The following C1orf116 variants were observed in gnomAD, a reference collection of about 807,000 sequenced individuals.
C1orf116 encodes the protein specifically androgen-regulated gene protein.
Under a neutral mutation model 14.1 loss-of-function variants are expected in C1orf116, and 12 were observed. That is an observed-to-expected ratio of 0.85 (90% CI 0.54 to 1.38). C1orf116 has a LOEUF of 1.38. Among genes scored for constraint, C1orf116 ranks in the 40% most tolerant of loss-of-function variants. The probability of loss-of-function intolerance (pLI) is 0.00; values close to 1 mark genes in which losing one functional copy is unlikely to be tolerated. For missense variants in C1orf116, 797 were observed against 747.0 expected (o/e 1.07, Z -0.78); for synonymous variants, 296 against 299.0 (o/e 0.99, Z 0.10).
chr1:207,021,867 G>T lies in C1orf116; in HGVS notation c.*91C>A. The T allele has an allele frequency of 7.7e-7, 1 of 1,301,360 alleles. No homozygotes were observed. The allele number at this position is 1,301,360 out of a possible 1,614,324, so 80.6% of individuals were successfully genotyped here. On this transcript the variant is annotated 3_prime_UTR_variant, in exon 4 of 4. Coordinates refer to ENST00000359470, the MANE Select transcript of C1orf116 (RefSeq NM_023938.6). ...CAAATCTCTCCCTCCCATTCATCTT[G>T]AGCCCTGAGTTGCGTGGTGGCAAAG...
intron 2 of C1orf116, among the ~76,000 whole-genome samples, chr1:207,026,236 C>T (rs997346838): frequency 4.6e-5 from 7 of 152,182 alleles, no homozygotes; most frequent in Non-Finnish European, 7.3e-5. Context: ...AACTTCCTTT[C>T]GCATGTGGGC....
In C1orf116 at chr1:207,020,842, T is replaced by G. The variant is rs891974122; in HGVS notation, c.*1116A>C. On this transcript the variant is annotated 3_prime_UTR_variant, in exon 4 of 4. Coordinates refer to ENST00000359470, the MANE Select transcript of C1orf116 (RefSeq NM_023938.6). ...CACTGGCTAAGGAGAGGTGGCAGCA[T>G]GCAACAAGGGTAAGAACCTCAGCTC... The G allele has an allele frequency of 2.0e-5, 3 of 152,058 alleles. No homozygotes were observed. The allele number at this position is 152,058 out of a possible 1,614,324, so 9.4% of individuals were successfully genotyped here. A position where few individuals can be genotyped will look rare whatever the true frequency, so the allele number is the denominator to read the frequency against.
Position 207,027,573 on chromosome 1 carries a change from G to A in C1orf116, c.26C>T (p.Ala9Val), listed in dbSNP as rs529972966. 31 of 1,613,010 alleles carry A rather than the reference G, an allele frequency of 1.9e-5. No individual in the cohort carries two copies. The highest frequency in any genetic ancestry group is 2.4e-5 in the Non-Finnish European group (28 of 1,180,040). MPERELWPAGTGSEPVTRV... is the reference protein window; with the variant it reads MPERELWPVGTGSEPVTRV... ...GGTCACGGGTTCTGAGCCAGTCCCC[G>A]CTGGCCACAGCTCCCTCTCGGGCAT... Residue 9 changes from alanine to valine, a missense_variant, in exon 2 of 4, where the codon GCG (alanine) becomes GTG (valine). Transcript: ENST00000359470.
intron 1 of C1orf116, among the ~76,000 whole-genome samples, chr1:207,029,618 C>G (rs1172713594): frequency 6.6e-6 from 1 of 152,152 alleles, no homozygotes; most frequent in East Asian, 1.9e-4. Context: ...TTAGGTTGAG[C>G]TTTTGGAAGG....
intron 2 of C1orf116, among the ~76,000 whole-genome samples, chr1:207,027,122 A>G (rs116992638): frequency 0.012 from 1,797 of 152,310 alleles, 29 homozygotes; most frequent in East Asian, 0.077. Flanking sequence ...GATCTTTGTA[A>G]GAGACTAAAG....
At position 207,020,082 on chromosome 1, in the gene C1orf116, C is replaced by A. The variant is rs1368511934; in HGVS notation, c.*1876G>T. 1 of 152,166 alleles carries A rather than the reference C, an allele frequency of 6.6e-6. No individual in the cohort carries two copies. Among genetic ancestry groups the A allele is most frequent in the African/African-American group, 2.4e-5 (1 of 41,424 alleles). 9.4% of individuals were successfully genotyped at this position (152,166 alleles called of 1,614,324 possible). A position where few individuals can be genotyped will look rare whatever the true frequency, so the allele number is the denominator to read the frequency against. On this transcript the variant is annotated 3_prime_UTR_variant, in exon 4 of 4. Coordinates refer to ENST00000359470, the MANE Select transcript of C1orf116 (RefSeq NM_023938.6). ...CTCAGCTGAATATAGCATGTGGAAT[C>A]AGTCCTCCAGAAGGCAGCTTTCTCT... is the stretch of plus-strand genomic sequence containing the variant.
At chr1:207,031,062 C>T (rs964327678) in intron 1 of C1orf116, among the ~76,000 whole-genome samples, 1 of 152,298 alleles carries the variant, frequency 6.6e-6, no homozygotes, top group African/African-American at 2.4e-5. Flanking sequence ...ACGAACCCCC[C>T]ACATGTCCTC....
At chr1:207,031,313 G>A (rs1251447109) in intron 1 of C1orf116, among the ~76,000 whole-genome samples, 1 of 152,178 alleles carries the variant, frequency 6.6e-6, no homozygotes, top group African/African-American at 2.4e-5. Context: ...TTGAGGGAAG[G>A]AGCAGGTAGA....
At chr1:207,025,498 A>C (rs72741370) in intron 2 of C1orf116, among the ~76,000 whole-genome samples, 3,289 of 152,318 alleles carry the variant, frequency 0.022, 36 homozygotes, top group South Asian at 0.046. Flanking sequence ...AGTGCAACAT[A>C]ACAATTTGAC....
At position 207,018,538 on chromosome 1, in the gene C1orf116, T is replaced by C. The variant is rs1681727656; in HGVS notation, c.*3420A>G. Reference sequence around the variant, plus strand: ...ACCCAGAAGGTAGTATTATCATTTATTGAGTAGCTACACTGTGGCCAGAAC... The same window carrying C: ...ACCCAGAAGGTAGTATTATCATTTACTGAGTAGCTACACTGTGGCCAGAAC... On this transcript the variant is annotated 3_prime_UTR_variant, in exon 4 of 4. Coordinates refer to ENST00000359470, the MANE Select transcript of C1orf116 (RefSeq NM_023938.6). 1 of 152,274 alleles carries C rather than the reference T, an allele frequency of 6.6e-6. No individual in the cohort carries two copies. The highest frequency in any genetic ancestry group is 1.5e-5 in the Non-Finnish European group (1 of 68,046). 9.4% of individuals were successfully genotyped at this position (152,274 alleles called of 1,614,324 possible). A position where few individuals can be genotyped will look rare whatever the true frequency, so the allele number is the denominator to read the frequency against.
intron 3 of C1orf116, among the ~76,000 whole-genome samples, chr1:207,024,069 C>G (rs1370908404): frequency 6.6e-6 from 1 of 152,220 alleles, no homozygotes; most frequent in Non-Finnish European, 1.5e-5. Flanking sequence ...CTTGCACTTT[C>G]TATGAGCATG....
chr1:207,023,408 G>C lies in C1orf116; in HGVS notation c.356C>G (p.Pro119Arg), dbSNP rs763617289. ...RTVTESSSSH[P>R]PEPQGLGLRS... ...GAGGCCTAGGCCCTGGGGCTCAGGA[G>C]GGTGGGATGAGCTGGACTCAGTTAC... The change falls in exon 4 of 4, where the codon CCT (proline) becomes CGT (arginine). Residue 119 changes from proline (P) to arginine (R), a missense_variant. Pro to Arg is a moderately radical substitution (Grantham distance 103). Transcript: ENST00000359470. 5 of 1,613,898 alleles carry C rather than the reference G, an allele frequency of 3.1e-6. No individual in the cohort carries two copies.
rs755779918 is a variant in C1orf116 at position 207,022,059 on chromosome 1, G to T, written c.1705C>A (p.Leu569Ile). ...LSYQGQSRDK[L>I]PRPPCVSVKI... ...ACACTGACACAGGGGGGGCGAGGAA[G>T]CTTGTCACGGCTCTGTCCTTGGTAG... Residue 569 changes from leucine to isoleucine, a missense_variant, in exon 4 of 4, where the codon CTT (leucine) becomes ATT (isoleucine). Leu to Ile is a conservative substitution (Grantham distance 5, BLOSUM62 2). Coordinates refer to ENST00000359470, the MANE Select transcript of C1orf116 (RefSeq NM_023938.6). 5.6e-6 allele frequency: 9 copies of T among 1,607,346 alleles called. No individual in the cohort carries two copies. In the South Asian group the frequency reaches 8.9e-5, roughly 16 times the overall value.
In C1orf116 at chr1:207,019,745, A is replaced by G. The variant is rs936840424; in HGVS notation, c.*2213T>C. On this transcript the variant is annotated 3_prime_UTR_variant, in exon 4 of 4. Coordinates refer to ENST00000359470, the MANE Select transcript of C1orf116 (RefSeq NM_023938.6). ...GTATCTTTAAAAAACAAGGGAAGGG[A>G]GTCTCAGATTAAGAAAACTGGAGAA... 6 of 152,208 alleles carry G rather than the reference A, an allele frequency of 3.9e-5. No homozygotes were observed. The highest frequency in any genetic ancestry group is 5.9e-5 in the Non-Finnish European group (4 of 68,050). The allele number at this position is 152,208 out of a possible 1,614,324, so 9.4% of individuals were successfully genotyped here. A position where few individuals can be genotyped will look rare whatever the true frequency, so the allele number is the denominator to read the frequency against.
At chr1:207,029,025 G>A (rs879887864) in intron 1 of C1orf116, among the ~76,000 whole-genome samples, 2 of 152,174 alleles carry the variant, frequency 1.3e-5, no homozygotes, top group African/African-American at 4.8e-5. Context: ...GGATGCCAGG[G>A]CAGATGTCCT....
At position 207,022,149 on chromosome 1, in the gene C1orf116, A is replaced by G. The variant is rs1175470571; in HGVS notation, c.1615T>C (p.Phe539Leu). 1.2e-6 allele frequency: 2 copies of G among 1,613,160 alleles called. No homozygotes were observed. Among genetic ancestry groups the G allele is most frequent in the Admixed American group, 1.7e-5 (1 of 60,002 alleles). The part of the protein sequence containing the change: ...RPASLGTGKD[F>L]AGIQVGKLAD... ...AGCTTGCCTACCTGGATACCTGCAAAATCTTTCCCCGTGCCCAGGGAGGCC... is the reference window on the plus strand; with the variant it reads ...AGCTTGCCTACCTGGATACCTGCAAGATCTTTCCCCGTGCCCAGGGAGGCC... The change falls in exon 4 of 4, where the codon TTT becomes CTT. Residue 539 changes from phenylalanine to leucine, a missense_variant. Transcript: ENST00000359470.
chr1:207,020,802 G>A lies in C1orf116; in HGVS notation c.*1156C>T, dbSNP rs1681822330. ...TGACTATGGCTCCTTAGGGTGCTGT[G>A]TGGATGTACAAGAGCACTGGCTAAG... On this transcript the variant is annotated 3_prime_UTR_variant, in exon 4 of 4. Transcript: ENST00000359470. 1 of 152,194 alleles carries A rather than the reference G, an allele frequency of 6.6e-6. No homozygotes were observed. The highest frequency in any genetic ancestry group is 2.1e-4 in the South Asian group (1 of 4,832). 9.4% of individuals were successfully genotyped at this position (152,194 alleles called of 1,614,324 possible). A position where few individuals can be genotyped will look rare whatever the true frequency, so the allele number is the denominator to read the frequency against.
In C1orf116 at chr1:207,027,513, G is replaced by A. The variant is rs529350387; in HGVS notation, c.86C>T (p.Thr29Ile). The A allele has an allele frequency of 1.9e-6, 3 of 1,613,936 alleles. No individual in the cohort carries two copies. In the South Asian group the frequency reaches 3.3e-5, roughly 18 times the overall value. Reference sequence around the variant, plus strand: ...ACGTACAGATCCAGAGCGGGTGGAGGTGCTGCTCATCATGCTGTCACAGCT... The same window carrying A: ...ACGTACAGATCCAGAGCGGGTGGAGATGCTGCTCATCATGCTGTCACAGCT... ...VGSCDSMMSS[T>I]STRSGSSDSS... Residue 29 changes from threonine (T) to isoleucine (I), a missense_variant, in exon 2 of 4, where the codon ACC (threonine) becomes ATC (isoleucine). Transcript: ENST00000359470.
chr1:207,024,706 G>T (rs561658922), intron 3 of C1orf116, among the ~76,000 whole-genome samples, 181 bp downstream of exon 3: 1 of 152,336 alleles, frequency 6.6e-6, no homozygotes, highest in Non-Finnish European at 1.5e-5. Flanking sequence ...CTTGCCAGGG[G>T]TCCCTCCTTC....
Sources: gnomAD v4.1 joint callset for allele counts (sites outside exome capture counted in the v4.1 genomes callset) on GRCh38, gnomAD v4.1.1 for gene constraint, MANE v1.5 for transcripts, NCBI Gene and HGNC (gene_info 2026-07-23, HGNC 2026-07-21) for gene names.